ARB2A: variants seen among roughly 807,000 people sequenced by gnomAD.
The protein encoded by ARB2A is cotranscriptional regulator ARB2A.
chr5:93,987,058 T>C, the ARB2A span, among the ~76,000 whole-genome samples: 1 of 152,130 alleles, frequency 6.6e-6, no homozygotes, highest in Non-Finnish European at 1.5e-5. Context: ...ACATTAAGTA[T>C]TGTTTATTGA....
the ARB2A span, among the ~76,000 whole-genome samples, chr5:93,971,419 T>C: frequency 1.3e-5 from 2 of 151,660 alleles, no homozygotes; most frequent in African/African-American, 4.8e-5. Context: ...AATACAAAAT[T>C]AGCCAGGCAT....
At chr5:93,912,334 A>G in the ARB2A span, among the ~76,000 whole-genome samples, 2 of 151,850 alleles carry the variant, frequency 1.3e-5, no homozygotes, top group African/African-American at 4.8e-5. Context: ...TACTGTGAAT[A>G]TCTTTGTATT....
the ARB2A span, among the ~76,000 whole-genome samples, chr5:93,921,088 A>G: frequency 6.6e-6 from 1 of 151,048 alleles, no homozygotes; most frequent in Non-Finnish European, 1.5e-5. Context: ...GATATATACC[A>G]TACATTGAGG....
At chr5:93,885,861 C>G in the ARB2A span, among the ~76,000 whole-genome samples, 1 of 151,628 alleles carries the variant, frequency 6.6e-6, no homozygotes, top group Non-Finnish European at 1.5e-5. Context: ...GGTCTTTAGG[C>G]CTTCTTTACT....
the ARB2A span, among the ~76,000 whole-genome samples, chr5:94,069,063 T>TAGAC: frequency 6.6e-6 from 1 of 151,008 alleles, no homozygotes; most frequent in Non-Finnish European, 1.5e-5. Flanking sequence ...GATAGATAGA[T>TAGAC]AGATAGATAG....
At chr5:94,013,186 T>G in the ARB2A span, among the ~76,000 whole-genome samples, 218 of 149,512 alleles carry the variant, frequency 1.5e-3, no homozygotes, top group Non-Finnish European at 2.1e-3. Context: ...TTTTTTTTTT[T>G]TTTTTTTTCT....
the ARB2A span, among the ~76,000 whole-genome samples, chr5:94,019,227 A>C: frequency 1.3e-5 from 2 of 152,196 alleles, no homozygotes; most frequent in African/African-American, 4.8e-5. Flanking sequence ...AACCTAGGCA[A>C]TACCATTCAG....
the ARB2A span, among the ~76,000 whole-genome samples, chr5:93,940,637 C>T: frequency 0.12 from 17,704 of 151,984 alleles, 1,148 homozygotes; most frequent in Middle Eastern, 0.16. Flanking sequence ...CAGAAGCATA[C>T]TGAGCAATTC....
the ARB2A span, among the ~76,000 whole-genome samples, chr5:93,815,097 C>T: frequency 6.6e-6 from 1 of 152,168 alleles, no homozygotes; most frequent in African/African-American, 2.4e-5. Flanking sequence ...CCTGCCTCAG[C>T]CTCCCAAAGA....
the ARB2A span, among the ~76,000 whole-genome samples, chr5:93,685,337 A>C: frequency 2.6e-5 from 4 of 152,220 alleles, no homozygotes; most frequent in Non-Finnish European, 5.9e-5. Context: ...TAAAGACAAC[A>C]TAAGTAATGA....
At chr5:93,708,634 C>G in the ARB2A span, among the ~76,000 whole-genome samples, 1 of 152,172 alleles carries the variant, frequency 6.6e-6, no homozygotes, top group African/African-American at 2.4e-5. Flanking sequence ...GGTGGTAATG[C>G]TGGCTCTCTG....
the ARB2A span, among the ~76,000 whole-genome samples, chr5:94,089,345 A>G: frequency 6.6e-6 from 1 of 152,312 alleles, no homozygotes; most frequent in South Asian, 2.1e-4. Flanking sequence ...GCTTAGTCTA[A>G]GAATATATTT....
chr5:93,717,672 T>TA, the ARB2A span, among the ~76,000 whole-genome samples: 1 of 152,116 alleles, frequency 6.6e-6, no homozygotes, highest in African/African-American at 2.4e-5. Context: ...TAAACCGTGA[T>TA]ATAAAACATA....
chr5:93,858,082 A>C, the ARB2A span, among the ~76,000 whole-genome samples: 17 of 152,246 alleles, frequency 1.1e-4, no homozygotes, highest in East Asian at 3.3e-3. Context: ...GGCAAAATCC[A>C]GAGGAAACAA....
the ARB2A span, among the ~76,000 whole-genome samples, chr5:94,016,471 G>A: frequency 2.6e-5 from 4 of 152,180 alleles, no homozygotes; most frequent in Admixed American, 6.5e-5. Flanking sequence ...TAAACTCATC[G>A]TGATGGGTGT....
the ARB2A span, among the ~76,000 whole-genome samples, chr5:93,649,250 A>G: frequency 6.6e-6 from 1 of 152,270 alleles, no homozygotes; most frequent in Admixed American, 6.5e-5. Flanking sequence ...TATCCTGGCA[A>G]TTGGTTAACC....
chr5:93,625,692 T>TA, the ARB2A span, among the ~76,000 whole-genome samples: 2 of 152,210 alleles, frequency 1.3e-5, no homozygotes, highest in Non-Finnish European at 2.9e-5. Flanking sequence ...AGAATGAGAC[T>TA]ATAAATCATA....
chr5:93,618,362 C>T, the ARB2A span: 45 of 152,056 alleles, frequency 3.0e-4, no homozygotes, highest in African/African-American at 9.9e-4. Context: ...TTATCAGTCA[C>T]TCCTTTCCCA....
chr5:93,712,827 A>G, the ARB2A span, among the ~76,000 whole-genome samples: 1 of 152,202 alleles, frequency 6.6e-6, no homozygotes, highest in East Asian at 1.9e-4. Flanking sequence ...TATAGTAACC[A>G]AAACAACATG....
Sources: gnomAD v4.1 joint callset for allele counts (sites outside exome capture counted in the v4.1 genomes callset) on GRCh38, gnomAD v4.1.1 for gene constraint, MANE v1.5 for transcripts, NCBI Gene and HGNC (gene_info 2026-07-23, HGNC 2026-07-21) for gene names.